UBIAD1: variants seen among roughly 807,000 people sequenced by gnomAD.
UBIAD1 encodes the protein UbiA prenyltransferase domain containing 1, also known as ubiA prenyltransferase domain-containing protein 1.
A neutral mutation model predicts 20.1 loss-of-function variants in UBIAD1; 12 were observed. The observed-to-expected ratio is 0.60, with a 90% CI of 0.38 to 0.97. The LOEUF (loss-of-function observed/expected upper bound fraction) is 0.97. Among genes scored for constraint, UBIAD1 ranks in the 50% least tolerant of loss-of-function variants. UBIAD1 has a pLI of 0.00. For synonymous variants in UBIAD1, 207 were observed against 189.2 expected (o/e 1.09, Z -0.77); for missense variants, 333 against 419.5 (o/e 0.79, Z 1.80).
chr1:11,291,816 A>G (rs1638372268), downstream of UBIAD1, among the ~76,000 whole-genome samples: 1 of 152,078 alleles, frequency 6.6e-6, no homozygotes. Flanking sequence ...GGGTGGGGGC[A>G]CATAAAGCCA....
chr1:11,292,460 T>A (rs1014994589), downstream of UBIAD1, among the ~76,000 whole-genome samples: 6 of 152,118 alleles, frequency 3.9e-5, no homozygotes, highest in Non-Finnish European at 8.8e-5. Flanking sequence ...AGAGAGGCGT[T>A]GGATGAGAAG....
chr1:11,273,504 G>C lies in UBIAD1; in HGVS notation c.-28G>C, dbSNP rs749243840. On this transcript the variant is annotated 5_prime_UTR_variant, in exon 1 of 2. Coordinates refer to ENST00000376810, the MANE Select transcript of UBIAD1 (RefSeq NM_013319.3). This position sits in a 1 kb window ranked among gnomAD's most constrained non-coding sequence, Gnocchi z 4.9. ...GGTCACTGTGCGTGGCTCACTTTTA[G>C]AGTTTACTTCAACCACGTGGAGCTT... The C allele has an allele frequency of 6.2e-7, 1 of 1,610,152 alleles. No homozygotes were observed. The highest frequency in any genetic ancestry group is 8.5e-7 in the Non-Finnish European group (1 of 1,180,020).
rs1298811644 is a variant in UBIAD1, at chr1:11,286,124, A to G, written c.1010A>G (p.Lys337Arg). 1.9e-6 allele frequency: 3 copies of G among 1,614,030 alleles called. No individual in the cohort carries two copies. Among genetic ancestry groups the G allele is most frequent in the Non-Finnish European group, 2.5e-6 (3 of 1,180,038 alleles). ...CTGGCACCAGCAGGCAGTCTGCCCA[A>G]AATTTAAGGGGACAAGTAGCTCCCC... is the stretch of plus-strand genomic sequence containing the variant. ...IILAPAGSLP[K>R]I The change falls in exon 2 of 2, where the codon AAA becomes AGA. Residue 337 changes from lysine (K) to arginine (R), a missense_variant. This residue lies in a region of UBIAD1 where 226 missense variants were observed against 263.5 expected (regional missense o/e 0.86). Coordinates refer to ENST00000376810, the MANE Select transcript of UBIAD1 (RefSeq NM_013319.3).
chr1:11,287,909 A>G lies in UBIAD1; in HGVS notation c.*1778A>G, dbSNP rs1638300393. ...ATGCCACTGCACTCCAACCTGGGGG[A>G]CACAGCAAGACTCCGTCTCAAAAAA... On this transcript the variant is annotated 3_prime_UTR_variant, in exon 2 of 2. Transcript: ENST00000376810. 1 of 151,806 alleles carries G rather than the reference A, an allele frequency of 6.6e-6. No homozygotes were observed. Among genetic ancestry groups the G allele is most frequent in the Non-Finnish European group, 1.5e-5 (1 of 67,962 alleles). 9.4% of individuals were successfully genotyped at this position (151,806 alleles called of 1,614,324 possible).
intron 1 of UBIAD1, among the ~76,000 whole-genome samples, chr1:11,280,415 G>T (rs6685950): frequency 0.16 from 23,619 of 152,082 alleles, 3,889 homozygotes; most frequent in African/African-American, 0.42. Flanking sequence ...CCTTGGTGAT[G>T]TAGCTCATGG....
downstream of UBIAD1, among the ~76,000 whole-genome samples, chr1:11,289,213 G>A (rs1450048656): frequency 6.6e-6 from 1 of 152,218 alleles, no homozygotes. Flanking sequence ...CATGTCAGTG[G>A]CAGCTGGGAA....
chr1:11,295,321 A>G (rs1172371562), downstream of UBIAD1: 3 of 196,962 alleles, frequency 1.5e-5, no homozygotes, highest in South Asian at 1.1e-4. Context: ...AGCTGGAGAA[A>G]GCCCCCCTGT....
Position 11,273,623 on chromosome 1 carries a change from G to T in UBIAD1, c.92G>T (p.Cys31Phe). 1 of 1,614,068 alleles carries T rather than the reference G, an allele frequency of 6.2e-7. No homozygotes were observed. The highest frequency in any genetic ancestry group is 8.5e-7 in the Non-Finnish European group (1 of 1,180,048). The change falls in exon 1 of 2, where the codon TGT becomes TTT. Residue 31 changes from cysteine (C) to phenylalanine (F), a missense_variant. Physicochemically the swap from Cys to Phe is radical, Grantham distance 205. This residue lies in a region of UBIAD1 where 57 missense variants were observed against 54.7 expected (regional missense o/e 1.04). Transcript: ENST00000376810. The surrounding 1 kb of genome is among the most constrained non-coding windows in gnomAD (Gnocchi z 4.9). ...GACAGGGACCCGCTGGGGAACGACT[G>T]TCCCGAGCAAGATAGGCTCCCCCAG... ...AGDRDPLGND[C>F]PEQDRLPQRS...
intron 1 of UBIAD1, among the ~76,000 whole-genome samples, chr1:11,279,832 A>T (rs1652184379): frequency 6.6e-6 from 1 of 152,216 alleles, no homozygotes; most frequent in African/African-American, 2.4e-5. Context: ...GTCTATAGAT[A>T]AAGTTGTAGG....
rs1394484863 is a variant in UBIAD1 at position 11,273,478 on chromosome 1, CG to C, written c.-52del. The C allele has an allele frequency of 1.2e-6, 2 of 1,603,454 alleles. No homozygotes were observed. The highest frequency in any genetic ancestry group is 1.1e-5 in the South Asian group (1 of 90,724). ...CGCCCCGTCCTTCCTCCTTCCCGGG[CG>C]GTCACTGTGCGTGGCTCACTTTTAG... On this transcript the variant is annotated 5_prime_UTR_variant, in exon 1 of 2. Transcript: ENST00000376810. This position sits in a 1 kb window ranked among gnomAD's most constrained non-coding sequence, Gnocchi z 4.9.
chr1:11,273,463 T>G lies in UBIAD1; in HGVS notation c.-69T>G. The G allele has an allele frequency of 1.3e-6, 2 of 1,594,764 alleles. No homozygotes were observed. The highest frequency in any genetic ancestry group is 8.5e-7 in the Non-Finnish European group (1 of 1,170,260). ...CGGGCCCTGCTGCCCCGCCCCGTCC[T>G]TCCTCCTTCCCGGGCGGTCACTGTG... is the stretch of plus-strand genomic sequence containing the variant. On this transcript the variant is annotated 5_prime_UTR_variant, in exon 1 of 2. Transcript: ENST00000376810. The surrounding 1 kb of genome is among the most constrained non-coding windows in gnomAD (Gnocchi z 4.9).
intron 1 of UBIAD1, among the ~76,000 whole-genome samples, chr1:11,283,292 C>T (rs1435877589): frequency 6.6e-6 from 1 of 152,186 alleles, no homozygotes; most frequent in Non-Finnish European, 1.5e-5. Flanking sequence ...GCTGAGAAAA[C>T]AAGCACAGCA....
intron 1 of UBIAD1, among the ~76,000 whole-genome samples, chr1:11,284,426 G>A (rs1652341374): frequency 6.6e-6 from 1 of 152,016 alleles, no homozygotes; most frequent in South Asian, 2.1e-4. Context: ...GGGTTTAAGT[G>A]TATGTTGGGG....
downstream of UBIAD1, among the ~76,000 whole-genome samples, chr1:11,291,750 A>G (rs1217964538): frequency 6.6e-6 from 1 of 152,136 alleles, no homozygotes; most frequent in Non-Finnish European, 1.5e-5. Flanking sequence ...TGTAAGAACC[A>G]CACTTTGAAG....
At position 11,285,729 on chromosome 1, in the gene UBIAD1, C is replaced by T; in HGVS notation, c.615C>T (p.Ile205=). ...TGGCTGTGATGTTCGCCTACGCCAT[C>T]CAGGTGGGGTCCCTGGCCATCTTCC... ...GPLAVMFAYA[I]QVGSLAIFPL... is the part of the protein sequence containing the mutation. The change falls in exon 2 of 2, where the codon ATC becomes ATT. Residue 205 remains isoleucine, a synonymous_variant. Coordinates refer to ENST00000376810, the MANE Select transcript of UBIAD1 (RefSeq NM_013319.3). This position sits in a 1 kb window ranked among gnomAD's most constrained non-coding sequence, Gnocchi z 4.4. 1 of 1,614,196 alleles carries T rather than the reference C, an allele frequency of 6.2e-7. No homozygotes were observed.
chr1:11,283,096 A>G (rs1481430881), intron 1 of UBIAD1, among the ~76,000 whole-genome samples: 2 of 152,140 alleles, frequency 1.3e-5, no homozygotes, highest in Non-Finnish European at 2.9e-5. Context: ...CCCTGACCTC[A>G]GGTGATCCAC....
At chr1:11,295,716 G>A (rs918771507), downstream of UBIAD1, 7 of 152,334 alleles carry the variant, frequency 4.6e-5, no homozygotes, top group Non-Finnish European at 4.4e-5. Context: ...TGCTGAGGGG[G>A]TCAGAGGTCA....
At chr1:11,279,508 C>G (rs1381707463) in intron 1 of UBIAD1, among the ~76,000 whole-genome samples, 1 of 152,198 alleles carries the variant, frequency 6.6e-6, no homozygotes, top group Non-Finnish European at 1.5e-5. Context: ...ACTGCAGCCT[C>G]TGCCTCCCGG....
At chr1:11,274,323 G>A (rs1651913660) in intron 1 of UBIAD1, among the ~76,000 whole-genome samples, 1 of 152,212 alleles carries the variant, frequency 6.6e-6, no homozygotes, top group South Asian at 2.1e-4. Flanking sequence ...TTTTGAGACG[G>A]AGTCTCGCTC....
Sources: gnomAD v4.1 joint callset for allele counts (sites outside exome capture counted in the v4.1 genomes callset) on GRCh38, gnomAD v4.1.1 for gene constraint, gnomAD v4.1.1 regional missense constraint, Gnocchi (gnomAD v3.1) non-coding constraint, MANE v1.5 for transcripts, NCBI Gene and HGNC (gene_info 2026-07-23, HGNC 2026-07-21) for gene names.